Variants in CMIP observed in about 807,000 individuals in gnomAD.
The protein encoded by CMIP is C-Maf-inducing protein.
CMIP carries 13 observed loss-of-function variants against 97.3 expected under a neutral mutation model. The observed-to-expected ratio is 0.13, with a 90% CI of 0.09 to 0.21. The LOEUF (loss-of-function observed/expected upper bound fraction) is 0.21, where lower values mean the gene tolerates loss of function less well. Ranked by LOEUF, CMIP falls within the 10% of genes least tolerant of loss-of-function variation. The probability of loss-of-function intolerance (pLI) is 1.00; values close to 1 mark genes in which losing one functional copy is unlikely to be tolerated. For missense variants in CMIP, 847 were observed against 1,024.9 expected, an observed-to-expected ratio of 0.83 and a Z score of 2.37; for synonymous variants, 538 against 436.3, an observed-to-expected ratio of 1.23 and a Z score of -2.91.
intron 1 of CMIP, among the ~76,000 whole-genome samples, chr16:81,523,733 C>A (rs2090074287): frequency 6.6e-6 from 1 of 152,240 alleles, no homozygotes; most frequent in Admixed American, 6.5e-5. Flanking sequence ...TCTCCAACCA[C>A]CTCGTAGCCC....
intron 4 of CMIP, among the ~76,000 whole-genome samples, chr16:81,656,551 G>T (rs2092484345): frequency 6.6e-6 from 1 of 152,228 alleles, no homozygotes; most frequent in South Asian, 2.1e-4. Flanking sequence ...CTTGTTTATG[G>T]CACAGCCGTC....
At chr16:81,446,955 A>C (rs1414954666) in intron 1 of CMIP, among the ~76,000 whole-genome samples, 1 of 150,966 alleles carries the variant, frequency 6.6e-6, no homozygotes, top group Non-Finnish European at 1.5e-5. Context: ...ACGTTGGTGC[A>C]ATATCTGCAA....
chr16:81,667,799 A>AGAGGGTGT, intron 7 of CMIP, among the ~76,000 whole-genome samples: 1 of 58,096 alleles, frequency 1.7e-5, no homozygotes, highest in Non-Finnish European at 3.2e-5. Flanking sequence ...AGAGAGAGAG[A>AGAGGGTGT]GTGTGTGTGT....
At chr16:81,449,210 C>G (rs1355011526) in intron 1 of CMIP, among the ~76,000 whole-genome samples, 2 of 152,142 alleles carry the variant, frequency 1.3e-5, no homozygotes, top group Non-Finnish European at 2.9e-5. Context: ...TCAGAAAGTC[C>G]TTTATTCAGG....
chr16:81,578,396 A>G (rs1015037597), intron 1 of CMIP, among the ~76,000 whole-genome samples: 1 of 152,228 alleles, frequency 6.6e-6, no homozygotes, highest in Non-Finnish European at 1.5e-5. Flanking sequence ...TCCCTGGTCA[A>G]TGGCAGTCCC....
chr16:81,701,306 G>T (rs950555606), intron 15 of CMIP, among the ~76,000 whole-genome samples: 3 of 152,176 alleles, frequency 2.0e-5, no homozygotes, highest in African/African-American at 7.2e-5. Flanking sequence ...ACTGGGGAAG[G>T]AACTGGGGAG....
At chr16:81,635,012 A>C (rs1330683614) in intron 3 of CMIP, among the ~76,000 whole-genome samples, 1 of 151,928 alleles carries the variant, frequency 6.6e-6, no homozygotes, top group Non-Finnish European at 1.5e-5. Context: ...GGTGTCCCTC[A>C]CTGTATTTCG....
intron 1 of CMIP, among the ~76,000 whole-genome samples, chr16:81,547,156 A>C (rs1251996190): frequency 6.6e-6 from 1 of 152,162 alleles, no homozygotes; most frequent in Non-Finnish European, 1.5e-5. Flanking sequence ...AGTGAGGAGG[A>C]TCTGGGGCAG....
At chr16:81,600,355 C>G (rs978703691) in intron 1 of CMIP, among the ~76,000 whole-genome samples, 1 of 150,942 alleles carries the variant, frequency 6.6e-6, no homozygotes, top group African/African-American at 2.4e-5. Context: ...ATGTGTCCAT[C>G]AGCAGATGAA....
chr16:81,504,171 C>A (rs2089662143), intron 1 of CMIP, among the ~76,000 whole-genome samples: 2 of 152,018 alleles, frequency 1.3e-5, no homozygotes, highest in African/African-American at 4.8e-5. Flanking sequence ...ACTAAAAATA[C>A]AAAAATTAGC....
rs147535501 is a variant in CMIP at position 81,561,843 on chromosome 16, C to T, written c.301-45724C>T. ...AGTTTCAGTAGGTACATTTCAGATGCTCAGTAGCCAGCCCAGATACAGAAC... is the reference window on the plus strand; with the variant it reads ...AGTTTCAGTAGGTACATTTCAGATGTTCAGTAGCCAGCCCAGATACAGAAC... On this transcript the variant is annotated intron_variant, in intron 1 of 20. Transcript: ENST00000537098. Among the ~76,000 whole-genome samples, 320 of 152,324 alleles carry T rather than the reference C, an allele frequency of 2.1e-3. 1 individual carries two copies. The highest frequency in any genetic ancestry group is 7.3e-3 in the African/African-American group (303 of 41,562).
At chr16:81,521,534 G>A (rs988037348) in intron 1 of CMIP, among the ~76,000 whole-genome samples, 1 of 152,162 alleles carries the variant, frequency 6.6e-6, no homozygotes, top group Non-Finnish European at 1.5e-5. Context: ...AGAAGAGGAG[G>A]GGGCTGAGTG....
intron 1 of CMIP, among the ~76,000 whole-genome samples, chr16:81,448,888 C>T (rs1906032937): frequency 6.6e-6 from 1 of 152,224 alleles, no homozygotes. Flanking sequence ...CTCTTTGTAC[C>T]CAAACTTCCC....
At chr16:81,550,360 C>T (rs1018608401) in intron 1 of CMIP, among the ~76,000 whole-genome samples, 1 of 152,172 alleles carries the variant, frequency 6.6e-6, no homozygotes, top group African/African-American at 2.4e-5. Flanking sequence ...CTGGGGCCTG[C>T]CTTAGGTGGC....
Position 81,652,239 on chromosome 16 carries a change from C to G in CMIP, c.514C>G (p.Pro172Ala), listed in dbSNP as rs370767920. ...CAAATATAAGAAAGTGCTGAGTAAC[C>G]CAAGCCGCTGGGAAGTTGTCTTGAA... ...IYKYKKVLSN[P>A]SRWEVVLKEI... Residue 172 changes from proline to alanine, a missense_variant, in exon 4 of 21, where the codon CCA (proline) becomes GCA (alanine). This residue lies in a region of CMIP where 285 missense variants were observed against 392.2 expected (regional missense o/e 0.73). Coordinates refer to ENST00000537098, the MANE Select transcript of CMIP (RefSeq NM_198390.3). This position sits in a 1 kb window ranked among gnomAD's most constrained non-coding sequence, Gnocchi z 5.2. 1 of 1,613,532 alleles carries G rather than the reference C, an allele frequency of 6.2e-7. No homozygotes were observed. The highest frequency in any genetic ancestry group is 1.3e-5 in the African/African-American group (1 of 74,886).
At chr16:81,456,657 C>G (rs758594188) in intron 1 of CMIP, among the ~76,000 whole-genome samples, 3 of 152,244 alleles carry the variant, frequency 2.0e-5, no homozygotes, top group Non-Finnish European at 4.4e-5. Context: ...GAGGTCCCTA[C>G]TTACCCAGCT....
chr16:81,657,888 G>T, intron 5 of CMIP, 72 bp downstream of exon 5: 1 of 1,345,742 alleles, frequency 7.4e-7, no homozygotes, highest in South Asian at 1.3e-5. Flanking sequence ...TTCCTGGTTT[G>T]GGGTAATTCT....
At chr16:81,455,938 C>T (rs573745560) in intron 1 of CMIP, among the ~76,000 whole-genome samples, 7 of 152,280 alleles carry the variant, frequency 4.6e-5, no homozygotes, top group Admixed American at 1.3e-4. Context: ...ACCTTGTAGG[C>T]GACGCAGGAG....
intron 1 of CMIP, among the ~76,000 whole-genome samples, chr16:81,499,830 T>G (rs1047855173): frequency 1.3e-5 from 2 of 152,268 alleles, no homozygotes; most frequent in African/African-American, 4.8e-5. Context: ...TCGCAGTTGT[T>G]GCCTGTGGCA....
Sources: allele counts gnomAD v4.1 joint callset (sites outside exome capture counted in the v4.1 genomes callset), GRCh38; gene constraint gnomAD v4.1.1; regional missense constraint gnomAD v4.1.1; non-coding constraint Gnocchi (gnomAD v3.1); transcripts MANE v1.5; gene names NCBI Gene and HGNC (gene_info 2026-07-23, HGNC 2026-07-21).